The following BCAR3 variants were observed in gnomAD, a reference collection of about 807,000 sequenced individuals.
The protein encoded by BCAR3 is BCAR3 adaptor protein, NSP family member, also known as breast cancer anti-estrogen resistance protein 3.
In BCAR3, 37 loss-of-function variants were observed where a neutral mutation model predicts 80.1. That is an observed-to-expected ratio of 0.46 (90% CI 0.36 to 0.61). The LOEUF (loss-of-function observed/expected upper bound fraction) is 0.61, where lower values mean the gene tolerates loss of function less well. Among genes scored for constraint, BCAR3 ranks in the 20% least tolerant of loss-of-function variants. BCAR3 has a pLI of 0.00. For synonymous variants in BCAR3, 389 were observed against 418.9 expected (o/e 0.93, Z 0.87); for missense variants, 978 against 1,068.2 (o/e 0.92, Z 1.18).
chr1:93,652,155 G>A (rs1676346167), intron 2 of BCAR3, among the ~76,000 whole-genome samples: 1 of 152,152 alleles, frequency 6.6e-6, no homozygotes, highest in Non-Finnish European at 1.5e-5. Context: ...GCCTGCTACG[G>A]GAGCCTTGTT....
chr1:93,704,438 C>T (rs1454888105), intron 3 of BCAR3, among the ~76,000 whole-genome samples: 5 of 152,128 alleles, frequency 3.3e-5, no homozygotes, highest in African/African-American at 1.2e-4. Context: ...TACTGCTATT[C>T]TCATTTTACG....
chr1:93,591,623 T>G (rs1249086601), intron 4 of BCAR3, among the ~76,000 whole-genome samples: 2 of 152,190 alleles, frequency 1.3e-5, no homozygotes, highest in Admixed American at 1.3e-4. Context: ...TTCTGCAGAC[T>G]TACTCTATTT....
intron 2 of BCAR3, among the ~76,000 whole-genome samples, chr1:93,834,556 G>A (rs1045033219): frequency 6.6e-6 from 1 of 152,166 alleles, no homozygotes; most frequent in Non-Finnish European, 1.5e-5. Flanking sequence ...TTACCCAAGA[G>A]CCAGGACTGC....
At chr1:93,612,001 A>G (rs1674963838) in intron 3 of BCAR3, among the ~76,000 whole-genome samples, 1 of 152,124 alleles carries the variant, frequency 6.6e-6, no homozygotes, top group South Asian at 2.1e-4. Flanking sequence ...TGAAACTCTA[A>G]TTGCAACGGA....
At chr1:93,567,024 G>A (rs879337468) in intron 11 of BCAR3, among the ~76,000 whole-genome samples, 4 of 152,044 alleles carry the variant, frequency 2.6e-5, no homozygotes, top group African/African-American at 7.2e-5. Flanking sequence ...CACCACGCCC[G>A]GCCCCAGTTC....
At chr1:93,678,477 T>C (rs1648598100) in intron 1 of BCAR3, among the ~76,000 whole-genome samples, 1 of 152,166 alleles carries the variant, frequency 6.6e-6, no homozygotes, top group African/African-American at 2.4e-5. Flanking sequence ...TGACCATAAG[T>C]ACTGGTAATT....
chr1:93,789,187 G>T (rs1557689147), intron 2 of BCAR3, among the ~76,000 whole-genome samples: 1 of 152,088 alleles, frequency 6.6e-6, no homozygotes, highest in Non-Finnish European at 1.5e-5. Flanking sequence ...TGTTGGCCAG[G>T]CTGGTCTCTA....
intron 3 of BCAR3, among the ~76,000 whole-genome samples, chr1:93,593,581 C>T (rs808875): frequency 6.6e-6 from 1 of 151,516 alleles, no homozygotes; most frequent in Non-Finnish European, 1.5e-5. Flanking sequence ...TGCCATGTTG[C>T]CCAGGCTGGT....
intron 3 of BCAR3, among the ~76,000 whole-genome samples, chr1:93,705,774 G>C (rs1297069759): frequency 6.6e-6 from 1 of 152,160 alleles, no homozygotes; most frequent in Non-Finnish European, 1.5e-5. Context: ...AATTTAATGA[G>C]TTAGAATGAA....
intron 2 of BCAR3, among the ~76,000 whole-genome samples, chr1:93,807,664 A>G (rs1653701414): frequency 6.6e-6 from 1 of 152,140 alleles, no homozygotes; most frequent in Non-Finnish European, 1.5e-5. Context: ...CCAGTGGTTA[A>G]TCTTTCCTGG....
At chr1:93,845,499 TATAAAA>T (rs1655134123) in intron 2 of BCAR3, 1 of 11,592 alleles carries the variant, frequency 8.6e-5, no homozygotes, top group Admixed American at 9.5e-4. Flanking sequence ...TATATATATA[TATAAAA>T]CTTTGTTTAC....
intron 2 of BCAR3, among the ~76,000 whole-genome samples, chr1:93,742,362 G>A (rs1651207003): frequency 6.6e-6 from 1 of 152,218 alleles, no homozygotes; most frequent in Admixed American, 6.5e-5. Flanking sequence ...TAGGAAGAAA[G>A]TGGAAAACTA....
At chr1:93,777,656 C>A (rs1238486593) in intron 2 of BCAR3, among the ~76,000 whole-genome samples, 1 of 152,052 alleles carries the variant, frequency 6.6e-6, no homozygotes, top group South Asian at 2.1e-4. Flanking sequence ...AACTCCTGGG[C>A]TCAAACAATC....
intron 2 of BCAR3, among the ~76,000 whole-genome samples, chr1:93,756,380 C>T (rs1200087476): frequency 6.6e-6 from 1 of 152,200 alleles, no homozygotes; most frequent in Non-Finnish European, 1.5e-5. Flanking sequence ...CAACACCCCA[C>T]CACCCTGAAG....
In BCAR3 at chr1:93,846,971, C is replaced by CT. The variant is rs1557709517; in HGVS notation, c.-209+98_-209+99insA. The CT allele has an allele frequency of 2.2e-5, 5 of 232,142 alleles. No individual in the cohort carries two copies. In the African/African-American group the frequency reaches 1.2e-3, roughly 57 times the overall value. 14.4% of individuals were successfully genotyped at this position (232,142 alleles called of 1,614,324 possible). A position where few individuals can be genotyped will look rare whatever the true frequency, so the allele number is the denominator to read the frequency against. Reference sequence around the variant, plus strand: ...CACGCACAAGCACGCACACAGACGTCGCGCGGCGGCGCTCGCGCGCAGGTC... The same window carrying CT: ...CACGCACAAGCACGCACACAGACGTCTGCGCGGCGGCGCTCGCGCGCAGGTC... On this transcript the variant is annotated intron_variant, in intron 1 of 13. Coordinates refer to the BCAR3 transcript ENST00000370244.
intron 3 of BCAR3, among the ~76,000 whole-genome samples, chr1:93,694,795 G>T (rs547106868): frequency 7.9e-5 from 12 of 152,298 alleles, no homozygotes; most frequent in Admixed American, 3.3e-4. Flanking sequence ...TCCTCCTGTT[G>T]TAATCCACCA....
At chr1:93,681,037 G>A (rs1220862982) in intron 1 of BCAR3, 1 of 152,254 alleles carries the variant, frequency 6.6e-6, no homozygotes, top group South Asian at 2.1e-4. Context: ...AGGGAGAGAG[G>A]GAGGGAGATG....
Position 93,567,338 on chromosome 1 carries a change from G to C in BCAR3, c.2240C>G (p.Ala747Gly), listed in dbSNP as rs532034172. Residue 747 changes from alanine to glycine, a missense_variant, in exon 11 of 12, where the codon GCG becomes GGG. By Grantham distance (60) the Ala-to-Gly change is moderately conservative. Transcript: ENST00000260502. ...GTCTGCAGCCTCGGCCATGAATCGC[G>C]CTGTTGCCAAATGGTTCAGCATGAT... ...CEIMLNHLAT[A>G]RFMAEAADSY... The C allele has an allele frequency of 4.4e-4, 712 of 1,614,080 alleles. 11 individuals are homozygous for C. The South Asian group carries it at 7.3e-3, about 17-fold the overall frequency.
At chr1:93,679,996 A>T (rs61781002) in intron 1 of BCAR3, among the ~76,000 whole-genome samples, 45,862 of 152,098 alleles carry the variant, frequency 0.3, 10,489 homozygotes, top group African/African-American at 0.65. Context: ...TAGTTTTATA[A>T]CTTCTCTGGA....
Sources: gnomAD v4.1 joint callset for allele counts (sites outside exome capture counted in the v4.1 genomes callset) on GRCh38, gnomAD v4.1.1 for gene constraint, MANE v1.5 for transcripts, NCBI Gene and HGNC (gene_info 2026-07-23, HGNC 2026-07-21) for gene names.